Variants in NHS observed in about 807,000 individuals in gnomAD.
NHS encodes actin remodeling regulator NHS.
In NHS, 5 loss-of-function variants were observed where a neutral mutation model predicts 72.5. The observed-to-expected ratio is 0.07, with a 90% CI of 0.04 to 0.14. The LOEUF (loss-of-function observed/expected upper bound fraction) is 0.14. NHS is among the 10% of genes least tolerant of loss of function. The pLI is 1.00. For missense variants in NHS, 1,072 were observed against 1,355.7 expected (o/e 0.79, Z 3.29); for synonymous variants, 464 against 547.7 (o/e 0.85, Z 2.13).
rs148606013 is a variant in NHS at position 17,715,856 on chromosome X, G to A, written c.853-3488G>A. 2.7e-3 allele frequency among the ~76,000 whole-genome samples: 305 copies of A among 111,590 alleles called. 3 individuals carry two copies. The highest frequency in any genetic ancestry group is 0.018 in the Middle Eastern group (4 of 217). On this transcript the variant is annotated intron_variant, in intron 3 of 8. Transcript: ENST00000676302. ...ACTAATTAATGGCAGAAATATAACT[G>A]TATATTTATATACTTATAGCTCATT...
Position 17,607,230 on chromosome X carries a change from G to A in NHS, c.566-80512G>A, listed in dbSNP as rs772674905. Among the ~76,000 whole-genome samples, 292 of 112,033 alleles carry A rather than the reference G, an allele frequency of 2.6e-3. 3 individuals carry two copies. The highest frequency in any genetic ancestry group is 4.6e-3 in the Admixed American group (49 of 10,621). On this transcript the variant is annotated intron_variant, in intron 1 of 8. Transcript: ENST00000676302. ...AGTTTCCCACTGGTCAAGCAAGGAAGTGGAGGATGTTTTTGTTCCCTGCCT... is the reference window on the plus strand; with the variant it reads ...AGTTTCCCACTGGTCAAGCAAGGAAATGGAGGATGTTTTTGTTCCCTGCCT...
chrX:17,556,998 A>G (rs2065379245), intron 1 of NHS, among the ~76,000 whole-genome samples: 1 of 109,223 alleles, frequency 9.2e-6, no homozygotes, highest in South Asian at 3.9e-4. Context: ...CTATATATAT[A>G]TAACGTACTG....
intron 1 of NHS, among the ~76,000 whole-genome samples, chrX:17,655,176 G>A (rs776321467): frequency 8.9e-6 from 1 of 111,960 alleles, no homozygotes; most frequent in African/African-American, 3.2e-5. Context: ...CCTCTTGCCC[G>A]GGCTGGAGGG....
intron 1 of NHS, among the ~76,000 whole-genome samples, chrX:17,591,258 C>G (rs933247966): frequency 9.0e-6 from 1 of 111,725 alleles, no homozygotes; most frequent in Admixed American, 9.5e-5. Context: ...AATCTGTGCT[C>G]TAGGTCGTAG....
At chrX:17,575,992 T>C (rs1309406382) in intron 1 of NHS, among the ~76,000 whole-genome samples, 6 of 111,898 alleles carry the variant, frequency 5.4e-5, no homozygotes, top group South Asian at 3.8e-4. Flanking sequence ...ATCTGTTGCA[T>C]AGCAAGAAAA....
intron 1 of NHS, among the ~76,000 whole-genome samples, chrX:17,502,375 T>C (rs2065039640): frequency 9.0e-6 from 1 of 111,407 alleles, no homozygotes; most frequent in Non-Finnish European, 1.9e-5. Context: ...CATGCCCCTT[T>C]TCTGCCTGGA....
intron 1 of NHS, among the ~76,000 whole-genome samples, chrX:17,430,283 C>CT (rs2064685042): frequency 1.4e-5 from 1 of 70,265 alleles, no homozygotes; most frequent in South Asian, 1.1e-3. Context: ...TTCTTTCTTT[C>CT]TTTCTTTCTT....
chrX:17,707,950 G>T (rs1339120948), intron 3 of NHS, among the ~76,000 whole-genome samples: 1 of 111,580 alleles, frequency 9.0e-6, no homozygotes, highest in Non-Finnish European at 1.9e-5. Context: ...CTATACAAGA[G>T]TTAGACATAT....
At chrX:17,696,270 T>C (rs1653877934) in intron 3 of NHS, among the ~76,000 whole-genome samples, 1 of 112,079 alleles carries the variant, frequency 8.9e-6, no homozygotes, top group East Asian at 2.8e-4. Flanking sequence ...ACATGAACTC[T>C]TGGCTGCAGA....
At chrX:17,585,503 CTGTT>C (rs2065570128) in intron 1 of NHS, among the ~76,000 whole-genome samples, 1 of 111,130 alleles carries the variant, frequency 9.0e-6, no homozygotes. Flanking sequence ...GCAGGGCCCT[CTGTT>C]TGGTTTTCTA....
intron 1 of NHS, among the ~76,000 whole-genome samples, chrX:17,484,818 G>T (rs1159198272): frequency 4.5e-5 from 5 of 110,570 alleles, no homozygotes; most frequent in Middle Eastern, 4.6e-3. Context: ...GCTCTCCCAG[G>T]TGAGTTGTTT....
At chrX:17,510,787 T>G (rs2065083604) in intron 1 of NHS, among the ~76,000 whole-genome samples, 1 of 112,597 alleles carries the variant, frequency 8.9e-6, no homozygotes, top group African/African-American at 3.2e-5. Context: ...GATGTGGGCA[T>G]AAGGCTTCGT....
chrX:17,718,055 C>T (rs1309013824), intron 3 of NHS, among the ~76,000 whole-genome samples: 1 of 111,195 alleles, frequency 9.0e-6, no homozygotes, highest in Non-Finnish European at 1.9e-5. Context: ...GTAGCTGGCA[C>T]TAATGTACAG....
At chrX:17,499,044 T>C (rs145210154) in intron 1 of NHS, among the ~76,000 whole-genome samples, 1,693 of 111,970 alleles carry the variant, frequency 0.015, 34 homozygotes, top group African/African-American at 0.052. Context: ...GCCATGAAGT[T>C]GATGAAAAAT....
chrX:17,480,552 A>G (rs2064942163), intron 1 of NHS, among the ~76,000 whole-genome samples: 1 of 111,989 alleles, frequency 8.9e-6, no homozygotes, highest in South Asian at 3.7e-4. Context: ...TATTTAATAA[A>G]TGGTGTTGGG....
At chrX:17,504,729 C>G (rs1001900335) in intron 1 of NHS, among the ~76,000 whole-genome samples, 1 of 112,234 alleles carries the variant, frequency 8.9e-6, no homozygotes, top group South Asian at 3.7e-4. Context: ...CATGTGGCAA[C>G]GCAGTGTTTC....
At chrX:17,509,060 A>T (rs924048050) in intron 1 of NHS, among the ~76,000 whole-genome samples, 26 of 111,023 alleles carry the variant, frequency 2.3e-4, no homozygotes, top group Non-Finnish European at 3.4e-4. Context: ...CTTATAACAA[A>T]GTCTCTTTAG....
chrX:17,474,370 T>C (rs998108085), intron 1 of NHS, among the ~76,000 whole-genome samples: 1 of 112,064 alleles, frequency 8.9e-6, no homozygotes, highest in African/African-American at 3.2e-5. Flanking sequence ...TTAAGCTCAA[T>C]GAAGAATTTA....
chrX:17,398,262 G>T (rs1357290228), intron 1 of NHS, among the ~76,000 whole-genome samples: 1 of 111,736 alleles, frequency 8.9e-6, no homozygotes, highest in East Asian at 2.8e-4. Context: ...ATATATTGAG[G>T]TTGCTTGTAA....
Sources: allele counts gnomAD v4.1 joint callset (sites outside exome capture counted in the v4.1 genomes callset), GRCh38; gene constraint gnomAD v4.1.1; transcripts MANE v1.5; gene names NCBI Gene and HGNC (gene_info 2026-07-23, HGNC 2026-07-21).